MME: variants seen among roughly 807,000 people sequenced by gnomAD.
The protein encoded by MME is neprilysin.
In MME, 98 loss-of-function variants were observed where a neutral mutation model predicts 113.2. The ratio of observed to expected loss-of-function variants is 0.87; its 90% confidence interval spans 0.74 to 1.02. The LOEUF (loss-of-function observed/expected upper bound fraction) is 1.02. MME is among the 50% of genes least tolerant of loss of function. MME has a pLI of 0.00. For missense variants in MME, 836 were observed against 896.0 expected (o/e 0.93, Z 0.86); for synonymous variants, 292 against 300.6 (o/e 0.97, Z 0.30).
Position 155,063,937 on chromosome 3 carries a change from C to G in MME, c.-10-20221C>G, listed in dbSNP as rs111808694. On this transcript the variant is annotated intron_variant, in intron 1 of 22. Coordinates refer to the MME transcript ENST00000492661. ...GAGATGGGGGCTTTACAGAGGTAAT[C>G]AAGGTTAAATGTGGTGGTATGGGTG... Among the ~76,000 whole-genome samples, 5 of 151,490 alleles carry G rather than the reference C, an allele frequency of 3.3e-5. No homozygotes were observed. The East Asian group carries it at 7.8e-4, about 24-fold the overall frequency.
At chr3:155,039,858 A>C (rs1157602447) in intron 1 of MME, among the ~76,000 whole-genome samples, 1 of 152,206 alleles carries the variant, frequency 6.6e-6, no homozygotes, top group African/African-American at 2.4e-5. Flanking sequence ...TATGGTACAC[A>C]ACATGATGTT....
Position 155,149,920 on chromosome 3 carries a change from G to T in MME, c.1601+1267G>T, listed in dbSNP as rs1042817736. Among the ~76,000 whole-genome samples the T allele has an allele frequency of 2.0e-5, 3 of 152,138 alleles. No homozygotes were observed. The South Asian group carries it at 6.2e-4, about 32-fold the overall frequency. On this transcript the variant is annotated intron_variant, in intron 16 of 22. Coordinates refer to ENST00000360490, the MANE Select transcript of MME (RefSeq NM_007289.4). Reference sequence around the variant, plus strand: ...AATGGGATTGCAAATATTATAGAATGTTTAGTGTCCCATCTGGGAAAGAAA... The same window carrying T: ...AATGGGATTGCAAATATTATAGAATTTTTAGTGTCCCATCTGGGAAAGAAA...
intron 1 of MME, among the ~76,000 whole-genome samples, chr3:155,064,683 A>G (rs1714329749): frequency 6.6e-6 from 1 of 152,160 alleles, no homozygotes; most frequent in Non-Finnish European, 1.5e-5. Flanking sequence ...CAATCTACTT[A>G]ATGAGCTCCT....
chr3:155,168,750 C>A lies in MME; in HGVS notation c.1933C>A (p.Leu645Met), dbSNP rs202245924. 6.8e-6 allele frequency: 11 copies of A among 1,613,082 alleles called. No individual in the cohort carries two copies. Among genetic ancestry groups the A allele is most frequent in the Non-Finnish European group, 9.3e-6 (11 of 1,179,386 alleles). The change falls in exon 20 of 23, where the codon CTG becomes ATG. Residue 645 changes from leucine to methionine, a missense_variant. Coordinates refer to ENST00000360490, the MANE Select transcript of MME (RefSeq NM_007289.4). ...TTAACAGCTTAATGGAATTAATACA[C>A]TGGGAGAAAACATTGCTGATAATGG... Reference protein sequence around the residue: ...GGQHLNGINTLGENIADNGGL... With the variant: ...GGQHLNGINTMGENIADNGGL...
At chr3:155,133,111 TATC>T (rs1038840832) in intron 8 of MME, among the ~76,000 whole-genome samples, 5 of 141,466 alleles carry the variant, frequency 3.5e-5, no homozygotes, top group Non-Finnish European at 1.5e-5. Flanking sequence ...TCATGACAAT[TATC>T]ATCATTTCAC....
intron 1 of MME, among the ~76,000 whole-genome samples, chr3:155,038,843 TTGAATATC>T (rs1161148401): frequency 6.6e-6 from 1 of 152,198 alleles, no homozygotes; most frequent in Non-Finnish European, 1.5e-5. Context: ...GGCCTCTCTT[TTGAATATC>T]TGGGTTGTCT....
rs1218406751 is a variant in MME at position 155,138,119 on chromosome 3, G to A, written c.738G>A (p.Val246=). Reference sequence around the variant, plus strand: ...TCTTGCAGGCTTGTACAGCATATGTGGATTTTATGATTTCTGTGGCCAGAT... The same window carrying A: ...TCTTGCAGGCTTGTACAGCATATGTAGATTTTATGATTTCTGTGGCCAGAT... The part of the protein sequence containing the change: ...GIYKEACTAY[V]DFMISVARLI... Residue 246 remains valine, a synonymous_variant, in exon 9 of 23, where the codon GTG becomes GTA. Transcript: ENST00000360490. 1 of 1,613,642 alleles carries A rather than the reference G, an allele frequency of 6.2e-7. No individual in the cohort carries two copies. Among genetic ancestry groups the A allele is most frequent in the Non-Finnish European group, 8.5e-7 (1 of 1,179,764 alleles).
chr3:155,032,785 G>T (rs535333468), intron 1 of MME, among the ~76,000 whole-genome samples: 4 of 152,256 alleles, frequency 2.6e-5, no homozygotes, highest in Non-Finnish European at 4.4e-5. Flanking sequence ...CAAACACAAA[G>T]TTCGAGGATA....
intron 14 of MME, 60 bp downstream of exon 14, chr3:155,144,517 T>C: frequency 9.7e-7 from 1 of 1,031,228 alleles, no homozygotes; most frequent in Non-Finnish European, 1.5e-6. Flanking sequence ...AAAAATTAAC[T>C]TTAAAAACAT....
At chr3:155,107,308 G>A (rs868390422) in intron 3 of MME, among the ~76,000 whole-genome samples, 5 of 149,868 alleles carry the variant, frequency 3.3e-5, no homozygotes, top group Admixed American at 6.7e-5. Flanking sequence ...AGCCGAGATC[G>A]TGCCATTGCA....
chr3:155,168,057 G>T (rs143433646), intron 18 of MME, among the ~76,000 whole-genome samples: 6 of 152,260 alleles, frequency 3.9e-5, no homozygotes, highest in African/African-American at 1.2e-4. Context: ...CTTTTTTTGT[G>T]TGCTTGAAGT....
intron 8 of MME, among the ~76,000 whole-genome samples, chr3:155,132,110 C>T (rs1485360120): frequency 6.6e-6 from 1 of 152,170 alleles, no homozygotes; most frequent in East Asian, 1.9e-4. Context: ...AATAAAATCC[C>T]TGATCCATAG....
intron 1 of MME, among the ~76,000 whole-genome samples, chr3:155,055,596 C>CAA (rs879490023): frequency 3.4e-5 from 4 of 117,300 alleles, no homozygotes; most frequent in Admixed American, 8.7e-5. Context: ...GACACCGTCT[C>CAA]AAAAAAAAAA....
Position 155,082,090 on chromosome 3 carries a change from G to A in MME, c.-11+1624G>A, listed in dbSNP as rs1715201755. 3 of 152,124 alleles carry A rather than the reference G, an allele frequency of 2.0e-5. No individual in the cohort carries two copies. In the South Asian group the frequency reaches 6.2e-4, roughly 32 times the overall value. The allele number at this position is 152,124 out of a possible 1,614,324, so 9.4% of individuals were successfully genotyped here. A position where few individuals can be genotyped will look rare whatever the true frequency, so the allele number is the denominator to read the frequency against. The stretch of plus-strand genomic sequence containing the variant: ...TCAAGGGTAAGGAGGAGAAGCCAAG[G>A]GAAAGTAACTTACAGGGAGAAAGAA... On this transcript the variant is annotated intron_variant, in intron 1 of 22. Coordinates refer to ENST00000360490, the MANE Select transcript of MME (RefSeq NM_007289.4).
intron 1 of MME, among the ~76,000 whole-genome samples, chr3:155,061,905 T>G (rs1008725985): frequency 3.9e-5 from 6 of 152,088 alleles, no homozygotes; most frequent in Non-Finnish European, 8.8e-5. Context: ...AAGTGATCTG[T>G]CCGCCTCAGC....
At chr3:155,162,014 T>C (rs1424504867) in intron 17 of MME, among the ~76,000 whole-genome samples, 1 of 152,202 alleles carries the variant, frequency 6.6e-6, no homozygotes, top group Non-Finnish European at 1.5e-5. Flanking sequence ...CATTTGGTAC[T>C]GAGACAAACG....
intron 16 of MME, among the ~76,000 whole-genome samples, chr3:155,157,220 G>T (rs563719931): frequency 6.6e-6 from 1 of 151,938 alleles, no homozygotes; most frequent in Non-Finnish European, 1.5e-5. Flanking sequence ...TAAAAATAAG[G>T]TTTCTTCCTT....
At chr3:155,169,753 G>A (rs1425319149) in intron 20 of MME, among the ~76,000 whole-genome samples, 2 of 152,176 alleles carry the variant, frequency 1.3e-5, no homozygotes, top group South Asian at 2.1e-4. Context: ...GATCAGTGGA[G>A]TGAATGAGGA....
intron 8 of MME, among the ~76,000 whole-genome samples, chr3:155,133,062 AATAT>A (rs1553762420): frequency 8.0e-5 from 6 of 75,082 alleles, no homozygotes; most frequent in African/African-American, 2.6e-4. Context: ...AAAAAAAAAA[AATAT>A]ATATATATAT....
Sources: gnomAD v4.1 joint callset for allele counts (sites outside exome capture counted in the v4.1 genomes callset) on GRCh38, gnomAD v4.1.1 for gene constraint, MANE v1.5 for transcripts, NCBI Gene and HGNC (gene_info 2026-07-23, HGNC 2026-07-21) for gene names.